The following TRPM3 variants were observed in gnomAD, a reference collection of about 807,000 sequenced individuals.
TRPM3 encodes long transient receptor potential channel 3.
A neutral mutation model predicts 181.2 loss-of-function variants in TRPM3; 77 were observed. The ratio of observed to expected loss-of-function variants is 0.42; its 90% CI spans 0.35 to 0.51. The LOEUF is 0.51. TRPM3 is among the 20% of genes least tolerant of loss of function. The probability of loss-of-function intolerance (pLI) is 0.01; values close to 1 mark genes in which losing one functional copy is unlikely to be tolerated. For synonymous variants in TRPM3, 745 were observed against 796.4 expected, an observed-to-expected ratio of 0.94 and a Z score of 1.09; for missense variants, 1,759 against 2,196.7, an observed-to-expected ratio of 0.80 and a Z score of 3.98.
At chr9:70,629,542 G>A (rs2133368064) in intron 12 of TRPM3, among the ~76,000 whole-genome samples, 1 of 152,136 alleles carries the variant, frequency 6.6e-6, no homozygotes, top group South Asian at 2.1e-4. Context: ...TCACCATGTT[G>A]GTCAGGCTGG....
At chr9:70,902,063 G>A (rs1378093204) in intron 1 of TRPM3, among the ~76,000 whole-genome samples, 1 of 152,242 alleles carries the variant, frequency 6.6e-6, no homozygotes, top group Non-Finnish European at 1.5e-5. Flanking sequence ...CATAGAATGT[G>A]AGGGTCAACC....
intron 1 of TRPM3, among the ~76,000 whole-genome samples, chr9:71,298,228 A>T (rs193079829): frequency 2.0e-3 from 302 of 152,222 alleles, no homozygotes; most frequent in Admixed American, 3.4e-3. Flanking sequence ...ACCTTGTTTG[A>T]TCTGGAAATC....
chr9:70,555,503 G>C (rs2047473998), intron 22 of TRPM3, among the ~76,000 whole-genome samples: 1 of 152,180 alleles, frequency 6.6e-6, no homozygotes, highest in Non-Finnish European at 1.5e-5. Flanking sequence ...ATAAATACAG[G>C]AGATCATGGG....
chr9:71,433,197 G>A (rs1468086681), intron 1 of TRPM3, among the ~76,000 whole-genome samples: 1 of 152,130 alleles, frequency 6.6e-6, no homozygotes, highest in Non-Finnish European at 1.5e-5. Context: ...TCTCTGATAT[G>A]GTTTTGCTAT....
intron 1 of TRPM3, among the ~76,000 whole-genome samples, chr9:70,891,310 A>T (rs1439308631): frequency 2.6e-5 from 4 of 152,196 alleles, no homozygotes; most frequent in Non-Finnish European, 4.4e-5. Flanking sequence ...GAGTGAGGGA[A>T]AAGATGAAGT....
At position 70,553,322 on chromosome 9, in the gene TRPM3, A is replaced by AAC; in HGVS notation, c.3224-14_3224-13dup. On this transcript the variant is annotated splice_polypyrimidine_tract_variant and intron_variant, in intron 22 of 25. Transcript: ENST00000677713. ...CTGTCCACAGGGAGCTGGAGGGAGC[A>AAC]ACACACACAAGAAATGAGAAACTGG... 6.2e-7 allele frequency: 1 copy of AAC among 1,613,222 alleles called. No individual in the cohort carries two copies. The highest frequency in any genetic ancestry group is 1.1e-5 in the South Asian group (1 of 90,976).
chr9:70,540,329 A>G (rs980111158), intron 25 of TRPM3, among the ~76,000 whole-genome samples: 1 of 152,210 alleles, frequency 6.6e-6, no homozygotes, highest in South Asian at 2.1e-4. Flanking sequence ...TCTGGAGCCC[A>G]GTGTGTACAA....
At chr9:70,686,900 G>A (rs544562941) in intron 8 of TRPM3, among the ~76,000 whole-genome samples, 187 of 142,998 alleles carry the variant, frequency 1.3e-3, no homozygotes, top group African/African-American at 4.7e-3. Flanking sequence ...GCTCACTGCA[G>A]CCTCAACCTC....
intron 1 of TRPM3, among the ~76,000 whole-genome samples, chr9:70,943,001 A>G (rs2096900400): frequency 6.6e-6 from 1 of 152,036 alleles, no homozygotes; most frequent in African/African-American, 2.4e-5. Flanking sequence ...CTGTGGTAAA[A>G]TGGAAAGGAG....
chr9:71,200,001 T>G (rs2078672450), intron 1 of TRPM3, among the ~76,000 whole-genome samples: 1 of 152,268 alleles, frequency 6.6e-6, no homozygotes, highest in African/African-American at 2.4e-5. Flanking sequence ...CTTTCTATTG[T>G]GCACATTTAG....
At chr9:71,192,672 T>C (rs995605862) in intron 1 of TRPM3, among the ~76,000 whole-genome samples, 2 of 151,924 alleles carry the variant, frequency 1.3e-5, no homozygotes, top group African/African-American at 4.8e-5. Context: ...ATCAGATATA[T>C]GGCTTGAAAA....
intron 1 of TRPM3, among the ~76,000 whole-genome samples, chr9:71,191,026 T>A (rs1257955785): frequency 6.6e-6 from 1 of 151,858 alleles, no homozygotes; most frequent in East Asian, 1.9e-4. Flanking sequence ...AGTTTAGACA[T>A]ATTTTCCCAT....
chr9:70,824,704 G>C (rs2093436183), intron 6 of TRPM3: 1 of 152,244 alleles, frequency 6.6e-6, no homozygotes, highest in Non-Finnish European at 1.5e-5. Flanking sequence ...GGGATTACAG[G>C]TGTGAGCCAC....
At chr9:71,129,421 A>G (rs905115034) in intron 1 of TRPM3, among the ~76,000 whole-genome samples, 1 of 152,198 alleles carries the variant, frequency 6.6e-6, no homozygotes, top group Non-Finnish European at 1.5e-5. Flanking sequence ...GCTATGTGAT[A>G]ATATTAAAAT....
At chr9:71,250,856 C>A (rs1333779322) in intron 1 of TRPM3, among the ~76,000 whole-genome samples, 1 of 151,980 alleles carries the variant, frequency 6.6e-6, no homozygotes, top group South Asian at 2.1e-4. Context: ...AGTAAGATGA[C>A]CTGGGACCAG....
intron 1 of TRPM3, among the ~76,000 whole-genome samples, chr9:71,262,661 G>A (rs1369258324): frequency 6.6e-6 from 1 of 152,222 alleles, no homozygotes; most frequent in African/African-American, 2.4e-5. Context: ...TGCCTGTGGT[G>A]TAGGCACCCG....
intron 1 of TRPM3, among the ~76,000 whole-genome samples, chr9:71,177,564 G>A (rs553060279): frequency 6.6e-6 from 1 of 152,082 alleles, no homozygotes; most frequent in Non-Finnish European, 1.5e-5. Flanking sequence ...AATGACCTAC[G>A]ACTGTACATT....
chr9:71,420,730 AG>A (rs1435978029), intron 1 of TRPM3, among the ~76,000 whole-genome samples: 57 of 55,434 alleles, frequency 1.0e-3, no homozygotes, highest in Non-Finnish European at 1.9e-3. Flanking sequence ...AAAGAGAGAG[AG>A]AGAGAAAGAG....
chr9:71,308,031 C>T (rs1486678395), intron 1 of TRPM3, among the ~76,000 whole-genome samples: 7 of 149,584 alleles, frequency 4.7e-5, no homozygotes, highest in Non-Finnish European at 8.9e-5. Context: ...AGTTCAGTAG[C>T]ACAATCTTGG....
Sources: allele counts gnomAD v4.1 joint callset (sites outside exome capture counted in the v4.1 genomes callset), GRCh38; gene constraint gnomAD v4.1.1; transcripts MANE v1.5; gene names NCBI Gene and HGNC (gene_info 2026-07-23, HGNC 2026-07-21).